The following HOXC4 variants were observed in gnomAD, a reference collection of about 807,000 sequenced individuals.
The protein encoded by HOXC4 is homeobox protein Hox-C4.
HOXC4 carries 15 observed loss-of-function variants against 25.5 expected under a neutral mutation model. The observed-to-expected ratio is 0.59, with a 90% CI of 0.39 to 0.91. The LOEUF (loss-of-function observed/expected upper bound fraction) is 0.91. Ranked by LOEUF, HOXC4 falls within the 40% of genes least tolerant of loss-of-function variation. HOXC4 has a pLI of 0.00. For synonymous variants in HOXC4, 165 were observed against 148.0 expected, an observed-to-expected ratio of 1.11 and a Z score of -0.83; for missense variants, 342 against 352.4, an observed-to-expected ratio of 0.97 and a Z score of 0.24.
At chr12:54,039,364 C>T (rs1259269828) in intron 1 of HOXC4, among the ~76,000 whole-genome samples, 1 of 152,072 alleles carries the variant, frequency 6.6e-6, no homozygotes, top group Non-Finnish European at 1.5e-5. Flanking sequence ...AGGAAGGGGG[C>T]ACAGAGGCCC....
rs1324507197 is a variant in HOXC4 at position 54,054,153 on chromosome 12, T to C, written c.231T>C (p.Asn77=). The change falls in exon 1 of 2, where the codon AAT becomes AAC. Residue 77 remains asparagine (N), a synonymous_variant. Coordinates refer to ENST00000430889, the MANE Select transcript of HOXC4 (RefSeq NM_153633.3). ...GCACCAGTCTCCAGGGGCCCGGCAA[T>C]TCGCGAGGCCACGGGCCGGCCCAGG... is the stretch of plus-strand genomic sequence containing the variant. ...YSCTSLQGPG[N]SRGHGPAQAG... is the part of the protein sequence containing the mutation. The C allele has an allele frequency of 6.2e-7, 1 of 1,613,842 alleles. No individual in the cohort carries two copies. The highest frequency in any genetic ancestry group is 8.5e-7 in the Non-Finnish European group (1 of 1,179,962).
intron 1 of HOXC4, among the ~76,000 whole-genome samples, chr12:54,044,749 C>T (rs1479280327): frequency 1.5e-5 from 2 of 137,866 alleles, no homozygotes; most frequent in Non-Finnish European, 3.2e-5. Context: ...GTGTGTAAGC[C>T]CCCAGCCTTC....
intron 1 of HOXC4, among the ~76,000 whole-genome samples, chr12:54,026,617 T>C (rs549386109): frequency 1.3e-5 from 2 of 152,308 alleles, no homozygotes; most frequent in Non-Finnish European, 1.5e-5. Context: ...TTCTGGAGGA[T>C]TGGGGCTGTA....
rs777472361 is a variant in HOXC4 at position 54,034,530 on chromosome 12, G to A, written c.-124+17116G>A. The A allele has an allele frequency of 2.6e-6, 4 of 1,542,852 alleles. No individual in the cohort carries two copies. The South Asian group carries it at 3.4e-5, about 13-fold the overall frequency. ...AGGCCCGCAGAGCGCGCCCCTAGCC[G>A]GTTCCTGTCCCTGCGCCTTTCCTTT... On this transcript the variant is annotated intron_variant, in intron 1 of 3. Transcript: ENST00000303406.
chr12:54,033,375 G>GCTC (rs756529640), intron 1 of HOXC4: 1 of 1,612,938 alleles, frequency 6.2e-7, no homozygotes, highest in Admixed American at 1.7e-5. Flanking sequence ...TCCGGGACAC[G>GCTC]CTCCGGGCAG....
intron 1 of HOXC4, among the ~76,000 whole-genome samples, chr12:54,046,977 C>T (rs1458872846): frequency 6.6e-6 from 1 of 152,188 alleles, no homozygotes; most frequent in Non-Finnish European, 1.5e-5. Context: ...CCGCCTACTG[C>T]GGGGTAGGGG....
At position 54,053,959 on chromosome 12, in the gene HOXC4, A is replaced by G. The variant is rs1937905825; in HGVS notation, c.37A>G (p.Ile13Val). Reference sequence around the variant, plus strand: ...CTCGTATTTGATGGACTCTAACTACATCGATCCGAAATTTCCTCCATGCGA... The same window carrying G: ...CTCGTATTTGATGGACTCTAACTACGTCGATCCGAAATTTCCTCCATGCGA... ...MSSYLMDSNY[I>V]DPKFPPCEEY... Residue 13 changes from isoleucine to valine, a missense_variant, in exon 1 of 2, where the codon ATC (isoleucine) becomes GTC (valine). Ile to Val is a conservative substitution (Grantham distance 29). Transcript: ENST00000430889. 6.2e-7 allele frequency: 1 copy of G among 1,613,984 alleles called. No homozygotes were observed. The highest frequency in any genetic ancestry group is 1.6e-4 in the Middle Eastern group (1 of 6,062).
Position 54,055,225 on chromosome 12 carries a change from C to A in HOXC4, c.*20C>A. ...TTATAAAACATAACTCACACCCCTGCCCCCACCCCATGCCCCCACCCTCCC... is the reference window on the plus strand; with the variant it reads ...TTATAAAACATAACTCACACCCCTGACCCCACCCCATGCCCCCACCCTCCC... On this transcript the variant is annotated 3_prime_UTR_variant, in exon 2 of 2. Coordinates refer to ENST00000430889, the MANE Select transcript of HOXC4 (RefSeq NM_153633.3). The A allele has an allele frequency of 7.3e-7, 1 of 1,362,214 alleles. No homozygotes were observed. The highest frequency in any genetic ancestry group is 9.8e-7 in the Non-Finnish European group (1 of 1,018,316). The allele number at this position is 1,362,214 out of a possible 1,614,324, so 84.4% of individuals were successfully genotyped here. A position where few individuals can be genotyped will look rare whatever the true frequency, so the allele number is the denominator to read the frequency against.
chr12:54,041,253 G>A (rs1941266743), intron 1 of HOXC4, among the ~76,000 whole-genome samples: 1 of 152,242 alleles, frequency 6.6e-6, no homozygotes, highest in Non-Finnish European at 1.5e-5. Context: ...AGAAATGCTT[G>A]TGTTTCCTGA....
chr12:54,044,927 T>C (rs1271444818), intron 1 of HOXC4, among the ~76,000 whole-genome samples: 1 of 152,210 alleles, frequency 6.6e-6, no homozygotes, highest in Non-Finnish European at 1.5e-5. Context: ...AGCCCTCTAA[T>C]TCAGCCTTAG....
rs557582576 is a variant in HOXC4 at position 54,018,294 on chromosome 12, G to A, written c.-124+880G>A. Among the ~76,000 whole-genome samples, 13 of 152,272 alleles carry A rather than the reference G, an allele frequency of 8.5e-5. 1 individual carries two copies. Among genetic ancestry groups the A allele is most frequent in the African/African-American group, 3.1e-4 (13 of 41,570 alleles). On this transcript the variant is annotated intron_variant, in intron 1 of 3. Transcript: ENST00000303406. ...TCCCAGCCGGGATGCCCACTGGACC[G>A]GGATGCCCGCTCGCCACGCATGGCT...
intron 1 of HOXC4, chr12:54,034,339 A>G: frequency 1.2e-6 from 2 of 1,614,234 alleles, no homozygotes; most frequent in Non-Finnish European, 1.7e-6. Flanking sequence ...AACTCGAGAA[A>G]GAATTCCACT....
chr12:54,034,363 C>A, intron 1 of HOXC4: 1 of 1,614,236 alleles, frequency 6.2e-7, no homozygotes, highest in South Asian at 1.1e-5. Flanking sequence ...ACCGCTACCT[C>A]ACTCGCCGCA....
At chr12:54,033,068 C>T in intron 1 of HOXC4, 1 of 1,452,354 alleles carries the variant, frequency 6.9e-7, no homozygotes, top group Non-Finnish European at 9.5e-7. Context: ...TTCAAAGAGT[C>T]ACAAATCACC....
intron 1 of HOXC4, chr12:54,033,003 A>G: frequency 1.3e-6 from 1 of 753,244 alleles, no homozygotes; most frequent in Non-Finnish European, 2.2e-6. Context: ...AGGATAAAGA[A>G]AGAGATATCT....
intron 1 of HOXC4, among the ~76,000 whole-genome samples, chr12:54,044,107 G>C (rs1937641714): frequency 6.6e-6 from 1 of 152,054 alleles, no homozygotes; most frequent in South Asian, 2.1e-4. Context: ...TAAACGCCTA[G>C]AGTAGGGTGT....
rs909332225 is a variant in HOXC4, at chr12:54,054,245, C to T, written c.323C>T (p.Ala108Val). The T allele has an allele frequency of 5.6e-6, 9 of 1,610,866 alleles. No individual in the cohort carries two copies. The highest frequency in any genetic ancestry group is 5.3e-5 in the African/African-American group (4 of 74,850). ...CEPAPLSGAS[A>V]SPSPAPPACS... ...CCGGCGCCTCTCTCAGGCGCCTCCG[C>T]CTCCCCGTCCCCAGCCCCGCCAGCC... is the stretch of plus-strand genomic sequence containing the variant. The change falls in exon 1 of 2, where the codon GCC (alanine) becomes GTC (valine). Residue 108 changes from alanine (A) to valine (V), a missense_variant. Coordinates refer to ENST00000430889, the MANE Select transcript of HOXC4 (RefSeq NM_153633.3).
chr12:54,023,504 C>T (rs1280483888), intron 1 of HOXC4, among the ~76,000 whole-genome samples: 2 of 152,116 alleles, frequency 1.3e-5, no homozygotes, highest in Admixed American at 6.5e-5. Flanking sequence ...AAAAGCAGCT[C>T]GGGTAGCCTC....
At chr12:54,028,365 C>T (rs1249952274) in intron 1 of HOXC4, 13 of 714,558 alleles carry the variant, frequency 1.8e-5, no homozygotes, top group Non-Finnish European at 2.7e-5. Flanking sequence ...CCCTTCCTGA[C>T]ATCTGGCTTG....
Sources: gnomAD v4.1 joint callset for allele counts (sites outside exome capture counted in the v4.1 genomes callset) on GRCh38, gnomAD v4.1.1 for gene constraint, MANE v1.5 for transcripts, NCBI Gene and HGNC (gene_info 2026-07-23, HGNC 2026-07-21) for gene names.